PGAP4: variants seen among roughly 807,000 people sequenced by gnomAD.
PGAP4 encodes GPI-N-acetylgalactosamine transferase PGAP4.
Under a neutral mutation model 28.2 loss-of-function variants are expected in PGAP4, and 12 were observed. The ratio of observed to expected loss-of-function variants is 0.42; its 90% CI spans 0.27 to 0.69. PGAP4 has a LOEUF of 0.69. Among genes scored for constraint, PGAP4 ranks in the 30% least tolerant of loss-of-function variants. The pLI is 0.22. For synonymous variants in PGAP4, 205 were observed against 211.8 expected (o/e 0.97, Z 0.28); for missense variants, 425 against 513.5 (o/e 0.83, Z 1.67).
At chr9:101,510,639 G>A (rs895612147) in intron 2 of PGAP4, among the ~76,000 whole-genome samples, 2 of 152,014 alleles carry the variant, frequency 1.3e-5, no homozygotes, top group African/African-American at 4.8e-5. Flanking sequence ...TCATAATTGG[G>A]TATTTTCCCT....
intron 2 of PGAP4, among the ~76,000 whole-genome samples, chr9:101,499,482 T>G (rs1416185990): frequency 4.6e-5 from 7 of 152,032 alleles, no homozygotes; most frequent in Non-Finnish European, 1.0e-4. Flanking sequence ...ATGTTTGTAC[T>G]CAAGGAGGTA....
At chr9:101,510,214 C>T (rs1382373039) in intron 2 of PGAP4, among the ~76,000 whole-genome samples, 1 of 152,000 alleles carries the variant, frequency 6.6e-6, no homozygotes, top group Non-Finnish European at 1.5e-5. Flanking sequence ...TGCAGTCTGT[C>T]CTAAAGATCA....
intron 1 of PGAP4, among the ~76,000 whole-genome samples, chr9:101,484,745 T>C (rs967140332): frequency 2.0e-5 from 3 of 152,202 alleles, no homozygotes; most frequent in Admixed American, 2.0e-4. Flanking sequence ...GATAAATGTG[T>C]CTGTTGTTTA....
At chr9:101,498,438 G>GTT (rs1015481240) in intron 2 of PGAP4, among the ~76,000 whole-genome samples, 23 of 150,816 alleles carry the variant, frequency 1.5e-4, no homozygotes, top group African/African-American at 5.6e-4. Flanking sequence ...TGTCCATGTT[G>GTT]TTAGTTACTG....
intron 2 of PGAP4, among the ~76,000 whole-genome samples, chr9:101,500,743 G>T (rs190272894): frequency 6.6e-6 from 1 of 152,008 alleles, no homozygotes; most frequent in African/African-American, 2.4e-5. Flanking sequence ...AGAAGCTCAG[G>T]AAAGGGAGGA....
At chr9:101,531,835 C>A (rs932307422) in intron 1 of PGAP4, among the ~76,000 whole-genome samples, 1 of 152,212 alleles carries the variant, frequency 6.6e-6, no homozygotes, top group African/African-American at 2.4e-5. Flanking sequence ...GTAGTACCAG[C>A]AATTGATTTA....
At chr9:101,508,897 T>C (rs1826872761) in intron 2 of PGAP4, among the ~76,000 whole-genome samples, 3 of 152,170 alleles carry the variant, frequency 2.0e-5, no homozygotes, top group Non-Finnish European at 2.9e-5. Context: ...CTCGTTTTAT[T>C]TGCTGTCACT....
In PGAP4 at chr9:101,476,326, T is replaced by C. The variant is rs1464968575; in HGVS notation, c.767A>G (p.Asn256Ser). The change falls in exon 2 of 2, where the codon AAT (asparagine) becomes AGT (serine). Residue 256 changes from asparagine (N) to serine (S), a missense_variant. Physicochemically the swap from Asn to Ser is conservative, Grantham distance 46 (BLOSUM62 1). Transcript: ENST00000374848. This position sits in a 1 kb window ranked among gnomAD's most constrained non-coding sequence, Gnocchi z 7.0. ...TTCCAGGATCCGCATGGGCTCTGGATTGATGTAGTGCTGGAGCCTCTCGGG... is the reference window on the plus strand; with the variant it reads ...TTCCAGGATCCGCATGGGCTCTGGACTGATGTAGTGCTGGAGCCTCTCGGG... ...YHPERLQHYI[N>S]PEPMRILEWV... is the part of the protein sequence containing the mutation. The C allele has an allele frequency of 1.2e-6, 2 of 1,614,010 alleles. No individual in the cohort carries two copies. The highest frequency in any genetic ancestry group is 1.1e-5 in the South Asian group (1 of 91,046).
chr9:101,491,482 C>T (rs1054489667), upstream of PGAP4, among the ~76,000 whole-genome samples: 6 of 151,892 alleles, frequency 4.0e-5, 1 homozygote, highest in Admixed American at 3.9e-4. Context: ...GAATCTGTCC[C>T]GACTGACATG....
chr9:101,518,752 T>C (rs1192715796), intron 2 of PGAP4, among the ~76,000 whole-genome samples: 1 of 152,254 alleles, frequency 6.6e-6, no homozygotes, highest in African/African-American at 2.4e-5. Context: ...AATTTTTCAA[T>C]TGTGAATTGT....
chr9:101,476,342 G>C lies in PGAP4; in HGVS notation c.751C>G (p.Leu251Val). 1 of 1,614,158 alleles carries C rather than the reference G, an allele frequency of 6.2e-7. No individual in the cohort carries two copies. The highest frequency in any genetic ancestry group is 8.5e-7 in the Non-Finnish European group (1 of 1,180,038). ...GGCTCTGGATTGATGTAGTGCTGGA[G>C]CCTCTCGGGGTGATACAGCTTGAGA... is the stretch of plus-strand genomic sequence containing the variant. ...LYLKLYHPERLQHYINPEPMR... is the reference protein window; with the variant it reads ...LYLKLYHPERVQHYINPEPMR... The change falls in exon 2 of 2, where the codon CTC (leucine) becomes GTC (valine). Residue 251 changes from leucine to valine, a missense_variant. By Grantham distance (32) the Leu-to-Val change is conservative (BLOSUM62 1). Coordinates refer to ENST00000374848, the MANE Select transcript of PGAP4 (RefSeq NM_032342.3). This position sits in a 1 kb window ranked among gnomAD's most constrained non-coding sequence, Gnocchi z 7.0.
At chr9:101,513,948 C>T (rs1588208988) in intron 2 of PGAP4, among the ~76,000 whole-genome samples, 1 of 151,988 alleles carries the variant, frequency 6.6e-6, no homozygotes, top group East Asian at 1.9e-4. Context: ...GTTCTGATGT[C>T]CAAGGGCAGG....
intron 2 of PGAP4, among the ~76,000 whole-genome samples, chr9:101,517,741 T>G (rs904182099): frequency 2.0e-5 from 3 of 152,188 alleles, no homozygotes; most frequent in African/African-American, 7.2e-5. Context: ...GCTCAGTGAC[T>G]GCTGTGAGCT....
intron 2 of PGAP4, chr9:101,501,944 G>A: frequency 3.0e-6 from 1 of 334,442 alleles, no homozygotes; most frequent in South Asian, 2.7e-5. Flanking sequence ...CCAGGCCCTG[G>A]GCTAAGTAGT....
At chr9:101,502,640 T>C (rs1826813910) in intron 2 of PGAP4, among the ~76,000 whole-genome samples, 1 of 152,068 alleles carries the variant, frequency 6.6e-6, no homozygotes, top group African/African-American at 2.4e-5. Flanking sequence ...ATTGTGTGCC[T>C]TTACATTTCC....
chr9:101,524,276 A>T (rs548593491), intron 2 of PGAP4, among the ~76,000 whole-genome samples: 1 of 151,700 alleles, frequency 6.6e-6, no homozygotes, highest in East Asian at 1.9e-4. Context: ...TGGCAGTCAC[A>T]GGCTTCACCC....
At chr9:101,526,480 G>A (rs1827037008) in intron 2 of PGAP4, among the ~76,000 whole-genome samples, 1 of 152,042 alleles carries the variant, frequency 6.6e-6, no homozygotes, top group African/African-American at 2.4e-5. Context: ...GATGGCGTCT[G>A]ACTCTCTCGC....
chr9:101,523,225 G>T (rs559568086), intron 2 of PGAP4, among the ~76,000 whole-genome samples: 16 of 152,208 alleles, frequency 1.1e-4, no homozygotes, highest in African/African-American at 3.6e-4. Context: ...TGTTCTTTGT[G>T]CTTCTTGTGT....
intron 2 of PGAP4, among the ~76,000 whole-genome samples, chr9:101,530,428 T>TA (rs1564103822): frequency 6.6e-6 from 1 of 152,250 alleles, no homozygotes; most frequent in Admixed American, 6.5e-5. Flanking sequence ...TTTCTCCTTT[T>TA]AAAAAAGATT....
Sources: gnomAD v4.1 joint callset for allele counts (sites outside exome capture counted in the v4.1 genomes callset) on GRCh38, gnomAD v4.1.1 for gene constraint, Gnocchi (gnomAD v3.1) non-coding constraint, MANE v1.5 for transcripts, NCBI Gene and HGNC (gene_info 2026-07-23, HGNC 2026-07-21) for gene names.